NXN: variants seen among roughly 807,000 people sequenced by gnomAD.
NXN encodes the protein nucleoredoxin.
NXN carries 16 observed loss-of-function variants against 48.6 expected under a neutral mutation model. That is an observed-to-expected ratio of 0.33 (90% CI 0.22 to 0.50). The LOEUF is 0.50. Ranked by LOEUF, NXN falls within the 20% of genes least tolerant of loss-of-function variation. The probability of loss-of-function intolerance (pLI) is 0.98; values close to 1 mark genes in which losing one functional copy is unlikely to be tolerated. For missense variants in NXN, 492 were observed against 605.5 expected (o/e 0.81, Z 1.97); for synonymous variants, 281 against 269.6 (o/e 1.04, Z -0.41).
At chr17:864,242 T>G in intron 1 of NXN, 1 of 1,193,910 alleles carries the variant, frequency 8.4e-7, no homozygotes, top group Non-Finnish European at 1.2e-6. Context: ...TCAACTTTTC[T>G]GTAGGTCTGA....
At chr17:895,580 A>AG (rs1218095384) in intron 1 of NXN, among the ~76,000 whole-genome samples, 1 of 151,010 alleles carries the variant, frequency 6.6e-6, no homozygotes, top group African/African-American at 2.4e-5. Context: ...TGGGAGGTCG[A>AG]GGTGGGCGGA....
chr17:813,516 T>C (rs761982155), intron 5 of NXN, among the ~76,000 whole-genome samples: 10 of 152,256 alleles, frequency 6.6e-5, no homozygotes, highest in Non-Finnish European at 8.8e-5. Context: ...ATCCCTGGAA[T>C]GATATAATGA....
intron 1 of NXN, among the ~76,000 whole-genome samples, chr17:839,663 A>G (rs1914025076): frequency 6.6e-6 from 1 of 151,066 alleles, no homozygotes; most frequent in Non-Finnish European, 1.5e-5. Context: ...TTAGCCTGGC[A>G]TGGTGGCACA....
At chr17:848,130 T>A (rs2067884917) in intron 1 of NXN, among the ~76,000 whole-genome samples, 1 of 150,568 alleles carries the variant, frequency 6.6e-6, no homozygotes, top group Admixed American at 6.6e-5. Flanking sequence ...TTACTGAACG[T>A]TGATTTCCTG....
At chr17:842,921 A>T (rs777518065) in intron 1 of NXN, among the ~76,000 whole-genome samples, 1 of 151,894 alleles carries the variant, frequency 6.6e-6, no homozygotes, top group Admixed American at 6.6e-5. Flanking sequence ...CCTGGGCAAC[A>T]AGAGCAAAAT....
At position 919,309 on chromosome 17, in the gene NXN, G is replaced by T. The variant is rs1279003794; in HGVS notation, c.360+60010C>A. 6.6e-6 allele frequency among the ~76,000 whole-genome samples: 1 copy of T among 152,134 alleles called. No homozygotes were observed. The highest frequency in any genetic ancestry group is 6.5e-5 in the Admixed American group (1 of 15,274). On this transcript the variant is annotated intron_variant, in intron 1 of 7. Transcript: ENST00000336868. The surrounding 1 kb of genome is among the most constrained non-coding windows in gnomAD (Gnocchi z 5.1). The stretch of plus-strand genomic sequence containing the variant: ...ACTAGGGAGGCAGAGGTTGCAGTGA[G>T]CCGAGATTGTGCCACTGTACTCCAG...
At chr17:939,399 G>A (rs1336704001) in intron 1 of NXN, among the ~76,000 whole-genome samples, 1 of 146,986 alleles carries the variant, frequency 6.8e-6, no homozygotes, top group Non-Finnish European at 1.5e-5. Context: ...AGGCTGGAGT[G>A]CAGTGGCACC....
intron 1 of NXN, among the ~76,000 whole-genome samples, chr17:914,051 C>T (rs1283077041): frequency 6.6e-6 from 1 of 152,152 alleles, no homozygotes; most frequent in African/African-American, 2.4e-5. Context: ...AGACACCCAC[C>T]ACCACACCCA....
intron 1 of NXN, among the ~76,000 whole-genome samples, chr17:934,070 T>A (rs2150599313): frequency 6.6e-6 from 1 of 152,356 alleles, no homozygotes; most frequent in East Asian, 1.9e-4. Flanking sequence ...TTTATGATTA[T>A]AAAAGTCATA....
chr17:899,095 T>C (rs2068513825), intron 1 of NXN, among the ~76,000 whole-genome samples: 1 of 151,748 alleles, frequency 6.6e-6, no homozygotes, highest in Admixed American at 6.6e-5. Flanking sequence ...GTAGCTGGGA[T>C]TACAGGCACC....
intron 1 of NXN, among the ~76,000 whole-genome samples, chr17:844,739 C>G (rs2067841077): frequency 6.6e-6 from 1 of 152,090 alleles, no homozygotes; most frequent in Non-Finnish European, 1.5e-5. Flanking sequence ...CACCTGCCAC[C>G]ATACCCGGCT....
At chr17:814,197 T>TGTA (rs368022732) in intron 5 of NXN, among the ~76,000 whole-genome samples, 13 of 28,188 alleles carry the variant, frequency 4.6e-4, no homozygotes, top group Non-Finnish European at 8.7e-4. Context: ...GGAAGGCAGA[T>TGTA]GTAGTGAGCA....
intron 1 of NXN, among the ~76,000 whole-genome samples, chr17:889,453 T>G (rs779026270): frequency 6.6e-6 from 1 of 152,122 alleles, no homozygotes; most frequent in Non-Finnish European, 1.5e-5. Context: ...TCCCAGCACT[T>G]TGGGAGGCCA....
Position 932,283 on chromosome 17 carries a change from C to A in NXN, c.360+47036G>T, listed in dbSNP as rs540998688. The stretch of plus-strand genomic sequence containing the variant: ...AAACCGGCCTTGTTTTGGTCCTAGG[C>A]GGCGGTTCTTAAACTCTGGTCCCTG... On this transcript the variant is annotated intron_variant, in intron 1 of 7. Coordinates refer to ENST00000336868, the MANE Select transcript of NXN (RefSeq NM_022463.5). The surrounding 1 kb of genome is among the most constrained non-coding windows in gnomAD (Gnocchi z 4.1). 6.6e-6 allele frequency among the ~76,000 whole-genome samples: 1 copy of A among 152,196 alleles called. No individual in the cohort carries two copies. The highest frequency in any genetic ancestry group is 1.5e-5 in the Non-Finnish European group (1 of 68,042).
In NXN at chr17:921,889, C is replaced by T. The variant is rs544498593; in HGVS notation, c.360+57430G>A. Among the ~76,000 whole-genome samples the T allele has an allele frequency of 5.3e-5, 8 of 152,326 alleles. No individual in the cohort carries two copies. The South Asian group carries it at 8.3e-4, about 16-fold the overall frequency. ...GCATCTCTTCTGGGCTCTACCTGCCCGCAGTCTCACCTGTATCCCAAGGGA... is the reference window on the plus strand; with the variant it reads ...GCATCTCTTCTGGGCTCTACCTGCCTGCAGTCTCACCTGTATCCCAAGGGA... On this transcript the variant is annotated intron_variant, in intron 1 of 7. Transcript: ENST00000336868.
intron 1 of NXN, among the ~76,000 whole-genome samples, chr17:934,371 G>A (rs1004720551): frequency 7.2e-5 from 11 of 151,798 alleles, no homozygotes; most frequent in South Asian, 4.2e-4. Context: ...GCGTGAACCC[G>A]GGAGATGGAG....
At chr17:864,062 G>A (rs924634907) in intron 1 of NXN, 236 of 1,475,150 alleles carry the variant, frequency 1.6e-4, no homozygotes, top group Non-Finnish European at 1.9e-4. Flanking sequence ...GCTCGGTTCC[G>A]GTGAAGGGGC....
chr17:852,893 C>CA (rs1491163893), intron 1 of NXN, among the ~76,000 whole-genome samples: 3 of 152,200 alleles, frequency 2.0e-5, no homozygotes, highest in Non-Finnish European at 2.9e-5. Context: ...CAGGACACCT[C>CA]AGAGTCCCAG....
At chr17:811,929 T>C (rs1184947116) in intron 5 of NXN, among the ~76,000 whole-genome samples, 6 of 136,668 alleles carry the variant, frequency 4.4e-5, no homozygotes, top group Non-Finnish European at 9.5e-5. Flanking sequence ...GCTTTTTTTT[T>C]TTTTTTTTTT....
Sources: gnomAD v4.1 joint callset for allele counts (sites outside exome capture counted in the v4.1 genomes callset) on GRCh38, gnomAD v4.1.1 for gene constraint, Gnocchi (gnomAD v3.1) non-coding constraint, MANE v1.5 for transcripts, NCBI Gene and HGNC (gene_info 2026-07-23, HGNC 2026-07-21) for gene names.